PARP4: variants seen among roughly 807,000 people sequenced by gnomAD.
PARP4 encodes poly(ADP-ribose) polymerase family member 4.
In PARP4, 120 loss-of-function variants were observed where a neutral mutation model predicts 187.7. That is an observed-to-expected ratio of 0.64 (90% CI 0.55 to 0.74). The LOEUF (loss-of-function observed/expected upper bound fraction) is 0.74, where lower values mean the gene tolerates loss of function less well. Ranked by LOEUF, PARP4 falls within the 30% of genes least tolerant of loss-of-function variation. The pLI, the probability that PARP4 is intolerant of heterozygous loss-of-function variation, is 0.00. For synonymous variants in PARP4, 654 were observed against 740.9 expected (o/e 0.88, Z 1.90); for missense variants, 1,836 against 2,070.5 (o/e 0.89, Z 2.20).
chr13:24,430,192 C>T (rs1870264208), intron 32 of PARP4, among the ~76,000 whole-genome samples: 1 of 152,186 alleles, frequency 6.6e-6, no homozygotes, highest in African/African-American at 2.4e-5. Flanking sequence ...GTCATCACCC[C>T]TTTTTGGCCT....
In PARP4 at chr13:24,481,521, T is replaced by C. The variant is rs138086999; in HGVS notation, c.1448+3132A>G. On this transcript the variant is annotated intron_variant, in intron 12 of 33. Transcript: ENST00000381989. ...CAGCCTGCCCAATATGATGAAACCC[T>C]ATCTCTACTAAAAATACAAAAATTA... Among the ~76,000 whole-genome samples, 1,386 of 152,188 alleles carry C rather than the reference T, an allele frequency of 9.1e-3. 18 individuals are homozygous for C. Among genetic ancestry groups the C allele is most frequent in the African/African-American group, 0.03 (1,267 of 41,552 alleles).
intron 1 of PARP4, among the ~76,000 whole-genome samples, chr13:24,505,653 C>A (rs1461475467): frequency 6.6e-6 from 1 of 152,178 alleles, no homozygotes; most frequent in Non-Finnish European, 1.5e-5. Context: ...CTCAGCCTCC[C>A]GAGTAGCTGG....
rs1259635599 is a variant in PARP4, at chr13:24,426,381, A to T, written c.4979+85T>A. ...CATACTTATAGTGTACACATGTAAGATAATTCCCTATAGCTGTTTCTAAGG... is the reference window on the plus strand; with the variant it reads ...CATACTTATAGTGTACACATGTAAGTTAATTCCCTATAGCTGTTTCTAAGG... On this transcript the variant is annotated intron_variant, in intron 33 of 33. Coordinates refer to ENST00000381989, the MANE Select transcript of PARP4 (RefSeq NM_006437.4). The T allele has an allele frequency of 6.4e-6, 7 of 1,085,970 alleles. No homozygotes were observed. In the Admixed American group the frequency reaches 1.4e-4, roughly 22 times the overall value. The allele number at this position is 1,085,970 out of a possible 1,614,324, so 67.3% of individuals were successfully genotyped here. A position where few individuals can be genotyped will look rare whatever the true frequency, so the allele number is the denominator to read the frequency against.
At chr13:24,493,531 T>C (rs956030543) in intron 8 of PARP4, 65 bp downstream of exon 8, 9 of 1,513,664 alleles carry the variant, frequency 5.9e-6, no homozygotes, top group Middle Eastern at 1.7e-4. Context: ...ACACGTGTTA[T>C]TGCTGAAGCC....
intron 33 of PARP4, among the ~76,000 whole-genome samples, chr13:24,421,586 C>T (rs529634136): frequency 1.9e-4 from 29 of 152,352 alleles, no homozygotes; most frequent in Admixed American, 1.2e-3. Flanking sequence ...ACGTTCCAGC[C>T]GCTCTACAGT....
intron 6 of PARP4, among the ~76,000 whole-genome samples, chr13:24,497,020 C>G (rs1005109197): frequency 1.1e-4 from 16 of 151,950 alleles, no homozygotes; most frequent in Non-Finnish European, 2.4e-4. Context: ...GAGACTCTGT[C>G]TCGGGGAAAA....
chr13:24,480,118 T>G (rs149203850), intron 12 of PARP4, among the ~76,000 whole-genome samples: 1,582 of 152,234 alleles, frequency 0.01, 36 homozygotes, highest in African/African-American at 0.035. Flanking sequence ...ACTGTAACAC[T>G]CACCGCGAGG....
In PARP4 at chr13:24,494,205, T is replaced by A. The variant is rs559863459; in HGVS notation, c.741+368A>T. On this transcript the variant is annotated intron_variant, in intron 7 of 33. Transcript: ENST00000381989. Reference sequence around the variant, plus strand: ...CTCCTCTTCCCTCCTGACATTTATTTATTTACTTGAGACAGGGTCTTGCTG... The same window carrying A: ...CTCCTCTTCCCTCCTGACATTTATTAATTTACTTGAGACAGGGTCTTGCTG... 2.6e-5 allele frequency among the ~76,000 whole-genome samples: 4 copies of A among 152,332 alleles called. No individual in the cohort carries two copies. The East Asian group carries it at 7.7e-4, about 29-fold the overall frequency.
At chr13:24,492,240 G>C (rs759626870) in intron 9 of PARP4, among the ~76,000 whole-genome samples, 181 bp downstream of exon 9, 33 of 152,084 alleles carry the variant, frequency 2.2e-4, no homozygotes, top group Non-Finnish European at 3.7e-4. Context: ...ATTCACATTT[G>C]AAAATATGGT....
intron 12 of PARP4, 132 bp from the exon 13 acceptor site, chr13:24,478,408 A>G (rs1379058387): frequency 2.1e-5 from 11 of 523,014 alleles, no homozygotes; most frequent in Non-Finnish European, 3.6e-5. Flanking sequence ...GACTCAATTT[A>G]GAACTTTATT....
intron 1 of PARP4, among the ~76,000 whole-genome samples, chr13:24,506,976 G>A (rs532775953): frequency 4.6e-5 from 7 of 152,204 alleles, no homozygotes; most frequent in South Asian, 4.1e-4. Flanking sequence ...AAGGCTCCAC[G>A]AGAAATCTAG....
chr13:24,450,121 T>C (rs1871433006), intron 24 of PARP4, among the ~76,000 whole-genome samples: 1 of 152,138 alleles, frequency 6.6e-6, no homozygotes, highest in Non-Finnish European at 1.5e-5. Context: ...CTATAAGGTA[T>C]CAGAATGCTG....
At chr13:24,482,102 A>C (rs538655920) in intron 12 of PARP4, among the ~76,000 whole-genome samples, 1 of 152,354 alleles carries the variant, frequency 6.6e-6, no homozygotes, top group African/African-American at 2.4e-5. Context: ...TCAGTGAAGA[A>C]AGTCACTGTA....
chr13:24,507,877 T>C (rs1045303517), intron 1 of PARP4, among the ~76,000 whole-genome samples: 8 of 152,358 alleles, frequency 5.3e-5, no homozygotes, highest in African/African-American at 1.9e-4. Context: ...TTCTTATCTC[T>C]GGGACCCCCA....
At chr13:24,431,974 G>T (rs999974108) in intron 31 of PARP4, among the ~76,000 whole-genome samples, 3 of 152,074 alleles carry the variant, frequency 2.0e-5, no homozygotes, top group Non-Finnish European at 2.9e-5. Flanking sequence ...TGATCCACCC[G>T]CCTCGGCCTC....
At position 24,490,944 on chromosome 13, in the gene PARP4, TTTTAC is replaced by T; in HGVS notation, c.1054-121_1054-117del. On this transcript the variant is annotated intron_variant, in intron 9 of 33. Coordinates refer to ENST00000381989, the MANE Select transcript of PARP4 (RefSeq NM_006437.4). ...AAAGTCCATTTTCCCCCAAAGCTTG[TTTTAC>T]TTTATTTATTTTTGAGATGGGTCTT... is the stretch of plus-strand genomic sequence containing the variant. The T allele has an allele frequency of 4.3e-6, 4 of 924,812 alleles. No individual in the cohort carries two copies. In the South Asian group the frequency reaches 5.1e-5, roughly 12 times the overall value. The allele number at this position is 924,812 out of a possible 1,614,324, so 57.3% of individuals were successfully genotyped here.
chr13:24,457,451 C>T (rs539564346), intron 20 of PARP4, among the ~76,000 whole-genome samples: 16 of 152,232 alleles, frequency 1.1e-4, no homozygotes, highest in African/African-American at 3.4e-4. Context: ...GTCCATGCAA[C>T]GGGCCTGGCA....
chr13:24,451,505 G>A (rs956584235), intron 24 of PARP4, among the ~76,000 whole-genome samples: 11 of 152,132 alleles, frequency 7.2e-5, no homozygotes, highest in South Asian at 2.1e-4. Flanking sequence ...GAGGGGCATC[G>A]GGGCCACAGA....
chr13:24,511,075 G>C (rs898419917), intron 1 of PARP4, among the ~76,000 whole-genome samples: 2 of 152,182 alleles, frequency 1.3e-5, no homozygotes, highest in South Asian at 4.1e-4. Context: ...GGTGTGAGCT[G>C]CCACGCCCGG....
Sources: gnomAD v4.1 joint callset for allele counts (sites outside exome capture counted in the v4.1 genomes callset) on GRCh38, gnomAD v4.1.1 for gene constraint, MANE v1.5 for transcripts, NCBI Gene and HGNC (gene_info 2026-07-23, HGNC 2026-07-21) for gene names.